TUSC3: variants seen among roughly 807,000 people sequenced by gnomAD.
The protein encoded by TUSC3 is dolichyl-diphosphooligosaccharide--protein glycosyltransferase subunit TUSC3.
TUSC3 carries 45 observed loss-of-function variants against 44.8 expected under a neutral mutation model. That is an observed-to-expected ratio of 1.00 (90% CI 0.79 to 1.29). The LOEUF (loss-of-function observed/expected upper bound fraction) is 1.29, where lower values mean the gene tolerates loss of function less well. Ranked by LOEUF, TUSC3 falls within the 50% of genes most tolerant of loss-of-function variation. TUSC3 has a pLI of 0.00. For missense variants in TUSC3, 519 were observed against 437.9 expected, an observed-to-expected ratio of 1.19 and a Z score of -1.65; for synonymous variants, 212 against 152.9, an observed-to-expected ratio of 1.39 and a Z score of -2.85.
intron 1 of TUSC3, among the ~76,000 whole-genome samples, chr8:15,461,372 G>A (rs1264260916): frequency 6.6e-6 from 1 of 152,006 alleles, no homozygotes; most frequent in Non-Finnish European, 1.5e-5. Flanking sequence ...GTTAATTTGT[G>A]TACATTAATT....
intron 2 of TUSC3, among the ~76,000 whole-genome samples, chr8:15,521,614 C>A (rs971470643): frequency 1.5e-5 from 2 of 131,122 alleles, no homozygotes; most frequent in African/African-American, 5.8e-5. Context: ...AGGTAATTAC[C>A]CCCCCCAAAA....
chr8:15,493,516 G>C (rs555861980), intron 2 of TUSC3, among the ~76,000 whole-genome samples: 4 of 152,220 alleles, frequency 2.6e-5, no homozygotes, highest in African/African-American at 9.6e-5. Flanking sequence ...TCCCATCCCT[G>C]CCTCCCAAAG....
chr8:15,799,683 C>G, the TUSC3 span, among the ~76,000 whole-genome samples: 3 of 152,324 alleles, frequency 2.0e-5, no homozygotes, highest in South Asian at 4.1e-4. Flanking sequence ...CCCATAAAGT[C>G]CTCATTCTTT....
In TUSC3 at chr8:15,645,222, C is replaced by G. The variant is rs75394458; in HGVS notation, c.309-5475C>G. On this transcript the variant is annotated intron_variant, in intron 2 of 10. Transcript: ENST00000503731. ...CAGAAACACTTGTTTACTATTTACA[C>G]AATAAAAGCTGGGTCCTATTTATGT... Among the ~76,000 whole-genome samples the G allele has an allele frequency of 6.8e-3, 1,034 of 152,228 alleles. 12 individuals carry two copies. The highest frequency in any genetic ancestry group is 0.024 in the African/African-American group (984 of 41,546).
At chr8:15,821,493 A>T in the TUSC3 span, among the ~76,000 whole-genome samples, 2 of 149,936 alleles carry the variant, frequency 1.3e-5, no homozygotes, top group Admixed American at 6.7e-5. Context: ...TCTCAGCCTT[A>T]TACTGATTCC....
At chr8:15,503,654 C>T (rs1397698455) in intron 2 of TUSC3, among the ~76,000 whole-genome samples, 2 of 151,976 alleles carry the variant, frequency 1.3e-5, no homozygotes, top group African/African-American at 4.8e-5. Flanking sequence ...CAGTAAGCTA[C>T]GTTCGTACCA....
intron 1 of TUSC3, among the ~76,000 whole-genome samples, chr8:15,610,857 A>G (rs1223345657): frequency 2.0e-5 from 3 of 152,068 alleles, no homozygotes; most frequent in Non-Finnish European, 4.4e-5. Flanking sequence ...GATGGTCAAA[A>G]TGTGGATCTC....
intron 1 of TUSC3, among the ~76,000 whole-genome samples, chr8:15,614,935 C>CAA (rs3070906): frequency 1.8e-3 from 243 of 133,204 alleles, no homozygotes; most frequent in Non-Finnish European, 3.1e-3. Flanking sequence ...TTAAAAAGAC[C>CAA]AAAAAAAAAA....
chr8:15,681,037 G>C (rs1393929785), intron 6 of TUSC3, among the ~76,000 whole-genome samples: 2 of 151,464 alleles, frequency 1.3e-5, no homozygotes, highest in African/African-American at 4.8e-5. Context: ...TGATATTGGT[G>C]TGTAAATTTT....
intron 1 of TUSC3, among the ~76,000 whole-genome samples, chr8:15,442,966 G>A (rs997496624): frequency 6.6e-6 from 1 of 152,056 alleles, no homozygotes; most frequent in Non-Finnish European, 1.5e-5. Context: ...AGCTAGTTAT[G>A]CAAGAATCCT....
intron 6 of TUSC3, among the ~76,000 whole-genome samples, chr8:15,692,371 C>CTTT (rs1563175847): frequency 4.8e-4 from 9 of 18,814 alleles, no homozygotes; most frequent in African/African-American, 8.8e-4. Context: ...CCCCCCCCCC[C>CTTT]TTTGTTTTTT....
In TUSC3 at chr8:15,554,132, C is replaced by G. The variant is rs1585095240; in HGVS notation, c.138+13564C>G. ...AAGGGACAAACGAGCTCCCTTGGAC[C>G]TATGGATTTTTGATTTTGTCATCTC... On this transcript the variant is annotated intron_variant, in intron 1 of 10. Transcript: ENST00000503731. Among the ~76,000 whole-genome samples, 7 of 139,344 alleles carry G rather than the reference C, an allele frequency of 5.0e-5. No homozygotes were observed. The Admixed American group carries it at 5.3e-4, about 11-fold the overall frequency. 91.4% of individuals were successfully genotyped at this position (139,344 alleles called of 152,430 possible).
At chr8:15,642,490 G>T (rs989916973) in intron 2 of TUSC3, among the ~76,000 whole-genome samples, 1 of 152,146 alleles carries the variant, frequency 6.6e-6, no homozygotes, top group Non-Finnish European at 1.5e-5. Flanking sequence ...GACTAGAAAA[G>T]ACATAATCTC....
intron 1 of TUSC3, among the ~76,000 whole-genome samples, chr8:15,543,848 T>G (rs931647971): frequency 6.6e-6 from 1 of 151,836 alleles, no homozygotes; most frequent in African/African-American, 2.4e-5. Flanking sequence ...TCTCTTACGT[T>G]GTTTGAAAAT....
chr8:15,483,357 T>G (rs1800689039), intron 1 of TUSC3: 3 of 227,826 alleles, frequency 1.3e-5, no homozygotes, highest in Middle Eastern at 1.8e-3. Flanking sequence ...TTTGTTTTTT[T>G]GAGACGGAGT....
chr8:15,775,152 G>A, the TUSC3 span, among the ~76,000 whole-genome samples: 1 of 152,086 alleles, frequency 6.6e-6, no homozygotes, highest in African/African-American at 2.4e-5. Context: ...ATGAAGTACT[G>A]TTACATCCTG....
At chr8:15,842,729 TTC>T in the TUSC3 span, among the ~76,000 whole-genome samples, 1 of 152,222 alleles carries the variant, frequency 6.6e-6, no homozygotes, top group Non-Finnish European at 1.5e-5. Flanking sequence ...TAAACAAGTC[TTC>T]TCTGAGACAA....
At chr8:15,422,536 A>G (rs374205002) in intron 1 of TUSC3, among the ~76,000 whole-genome samples, 3 of 152,298 alleles carry the variant, frequency 2.0e-5, no homozygotes, top group East Asian at 3.9e-4. Context: ...GTTGATAACA[A>G]TGTGTTATAT....
intron 5 of TUSC3, among the ~76,000 whole-genome samples, chr8:15,666,493 A>G (rs1293872263): frequency 6.6e-6 from 1 of 151,292 alleles, no homozygotes; most frequent in Non-Finnish European, 1.5e-5. Flanking sequence ...AGTATATGTC[A>G]TTATACAGTA....
Sources: allele counts gnomAD v4.1 joint callset (sites outside exome capture counted in the v4.1 genomes callset), GRCh38; gene constraint gnomAD v4.1.1; transcripts MANE v1.5; gene names NCBI Gene and HGNC (gene_info 2026-07-23, HGNC 2026-07-21).